TRIM44: variants seen among roughly 807,000 people sequenced by gnomAD.
TRIM44 encodes tripartite motif containing 44.
In TRIM44, 13 loss-of-function variants were observed where a neutral mutation model predicts 37.4. The observed-to-expected ratio is 0.35, with a 90% CI of 0.23 to 0.55. The LOEUF (loss-of-function observed/expected upper bound fraction) is 0.55, where lower values mean the gene tolerates loss of function less well. TRIM44 is among the 20% of genes least tolerant of loss of function. TRIM44 has a pLI of 0.89. For missense variants in TRIM44, 426 were observed against 437.2 expected, an observed-to-expected ratio of 0.97 and a Z score of 0.23; for synonymous variants, 175 against 157.2, an observed-to-expected ratio of 1.11 and a Z score of -0.85.
chr11:35,753,255 G>A (rs1252831226), intron 4 of TRIM44, among the ~76,000 whole-genome samples: 1 of 152,166 alleles, frequency 6.6e-6, no homozygotes, highest in East Asian at 1.9e-4. Flanking sequence ...AAACATTAAG[G>A]TGTTATAGAC....
intron 4 of TRIM44, among the ~76,000 whole-genome samples, chr11:35,776,664 G>C (rs1852967498): frequency 6.6e-6 from 1 of 152,150 alleles, no homozygotes. Context: ...TTGTGTCTTT[G>C]TTCTCATTGG....
intron 2 of TRIM44, among the ~76,000 whole-genome samples, chr11:35,709,818 G>T (rs1019929694): frequency 6.6e-6 from 1 of 152,158 alleles, no homozygotes; most frequent in Non-Finnish European, 1.5e-5. Context: ...GACACCATTT[G>T]TTTAAACAAA....
intron 4 of TRIM44, among the ~76,000 whole-genome samples, chr11:35,781,517 G>A (rs1041415121): frequency 6.6e-6 from 1 of 152,124 alleles, no homozygotes; most frequent in Non-Finnish European, 1.5e-5. Context: ...GGATGGTCAG[G>A]ATCCAGATAT....
At chr11:35,697,903 G>C (rs9734565) in intron 2 of TRIM44, among the ~76,000 whole-genome samples, 1 of 150,584 alleles carries the variant, frequency 6.6e-6, no homozygotes, top group African/African-American at 2.4e-5. Flanking sequence ...GAATAGTGCC[G>C]CAATAAACAT....
intron 4 of TRIM44, among the ~76,000 whole-genome samples, chr11:35,786,819 A>C (rs1041572914): frequency 2.0e-5 from 3 of 152,186 alleles, no homozygotes; most frequent in African/African-American, 7.2e-5. Context: ...TTTTGGCTGC[A>C]GCAGGAGAGT....
chr11:35,706,616 A>G (rs1251931744), intron 2 of TRIM44, among the ~76,000 whole-genome samples: 1 of 152,216 alleles, frequency 6.6e-6, no homozygotes, highest in Non-Finnish European at 1.5e-5. Context: ...ATATACGCAA[A>G]TCAATAAATG....
At chr11:35,747,069 G>T (rs1337145899) in intron 4 of TRIM44, among the ~76,000 whole-genome samples, 1 of 152,146 alleles carries the variant, frequency 6.6e-6, no homozygotes, top group Admixed American at 6.5e-5. Flanking sequence ...CAGGGAGAGA[G>T]GCATTTCTCA....
In TRIM44 at chr11:35,696,857, AC is replaced by A. The variant is rs1351761185; in HGVS notation, c.747+11522del. On this transcript the variant is annotated intron_variant, in intron 2 of 4. Coordinates refer to ENST00000299413, the MANE Select transcript of TRIM44 (RefSeq NM_017583.6). ...AGTGAAACTCTGTCCAAAAAAAAAA[AC>A]AACAATTAATTAATTAATTAATTAA... Among the ~76,000 whole-genome samples the A allele has an allele frequency of 7.3e-5, 11 of 149,952 alleles. No individual in the cohort carries two copies. The South Asian group carries it at 8.4e-4, about 11-fold the overall frequency.
intron 4 of TRIM44, among the ~76,000 whole-genome samples, chr11:35,752,781 A>G (rs1441505814): frequency 1.3e-5 from 2 of 152,212 alleles, no homozygotes; most frequent in Non-Finnish European, 1.5e-5. Flanking sequence ...GCTCGTCCCC[A>G]GAGTTTCACA....
At chr11:35,760,210 G>C (rs1237712521) in intron 4 of TRIM44, among the ~76,000 whole-genome samples, 1 of 152,150 alleles carries the variant, frequency 6.6e-6, no homozygotes, top group African/African-American at 2.4e-5. Flanking sequence ...CCCTCCCCCA[G>C]CCTCACTGCC....
At chr11:35,681,918 C>G (rs539114817) in intron 1 of TRIM44, among the ~76,000 whole-genome samples, 8 of 151,572 alleles carry the variant, frequency 5.3e-5, no homozygotes, top group South Asian at 2.1e-4. Context: ...CCCTTAGACC[C>G]AAACAACCCC....
At chr11:35,688,694 G>A (rs1851608232) in intron 2 of TRIM44, among the ~76,000 whole-genome samples, 1 of 152,196 alleles carries the variant, frequency 6.6e-6, no homozygotes, top group Admixed American at 6.5e-5. Context: ...CAGACCCAGA[G>A]GTTCTTAAAC....
intron 4 of TRIM44, among the ~76,000 whole-genome samples, chr11:35,801,163 A>G (rs1785876097): frequency 1.3e-5 from 2 of 152,208 alleles, no homozygotes; most frequent in South Asian, 4.1e-4. Context: ...TGCTGATCGC[A>G]TATTTACTGC....
chr11:35,771,313 T>A (rs1351167403), intron 4 of TRIM44, among the ~76,000 whole-genome samples: 1 of 152,202 alleles, frequency 6.6e-6, no homozygotes, highest in Admixed American at 6.5e-5. Flanking sequence ...TGGTGGCATT[T>A]TGCCCCTGCC....
At position 35,808,301 on chromosome 11, in the gene TRIM44, G is replaced by A. The variant is rs551684748; in HGVS notation, c.*1916G>A. ...GCTTTACCTATCTCTGCAAAGACTGGAGAATTTGGCATACCATTAATTACA... is the reference window on the plus strand; with the variant it reads ...GCTTTACCTATCTCTGCAAAGACTGAAGAATTTGGCATACCATTAATTACA... On this transcript the variant is annotated 3_prime_UTR_variant, in exon 5 of 5. Transcript: ENST00000299413. 3.3e-5 allele frequency: 5 copies of A among 150,708 alleles called. No homozygotes were observed. In the South Asian group the frequency reaches 1.0e-3, roughly 32 times the overall value. The allele number at this position is 150,708 out of a possible 1,614,324, so 9.3% of individuals were successfully genotyped here.
intron 4 of TRIM44, among the ~76,000 whole-genome samples, chr11:35,789,029 C>A (rs564876384): frequency 3.3e-5 from 5 of 152,184 alleles, no homozygotes; most frequent in Admixed American, 6.5e-5. Context: ...TGTCTCACAG[C>A]AAATATTTTT....
intron 3 of TRIM44, 30 bp downstream of exon 3, chr11:35,726,193 C>T: frequency 6.2e-7 from 1 of 1,607,616 alleles, no homozygotes; most frequent in Admixed American, 1.7e-5. Context: ...TTATTAGTAG[C>T]AAGAGAAATA....
intron 2 of TRIM44, among the ~76,000 whole-genome samples, chr11:35,722,913 T>A (rs1441993194): frequency 6.6e-6 from 1 of 152,140 alleles, no homozygotes; most frequent in African/African-American, 2.4e-5. Flanking sequence ...GCTTCTCTTT[T>A]GAGTAGCTTC....
intron 1 of TRIM44, among the ~76,000 whole-genome samples, chr11:35,671,283 C>A (rs1851390815): frequency 6.6e-6 from 1 of 152,152 alleles, no homozygotes; most frequent in Non-Finnish European, 1.5e-5. Context: ...AATATCCTTG[C>A]TCTACCATTT....
Sources: allele counts gnomAD v4.1 joint callset (sites outside exome capture counted in the v4.1 genomes callset), GRCh38; gene constraint gnomAD v4.1.1; transcripts MANE v1.5; gene names NCBI Gene and HGNC (gene_info 2026-07-23, HGNC 2026-07-21).